The following B3GALT1 variants were observed in gnomAD, a reference collection of about 807,000 sequenced individuals.
The protein encoded by B3GALT1 is beta-1,3-galactosyltransferase 1.
B3GALT1 carries 10 observed loss-of-function variants against 23.2 expected under a neutral mutation model. The observed-to-expected ratio is 0.43, with a 90% confidence interval of 0.27 to 0.73. The LOEUF is 0.73. Among genes scored for constraint, B3GALT1 ranks in the 30% least tolerant of loss-of-function variants. The pLI, the probability that B3GALT1 is intolerant of heterozygous loss-of-function variation, is 0.21. For missense variants in B3GALT1, 299 were observed against 405.4 expected (o/e 0.74, Z 2.25); for synonymous variants, 156 against 141.5 (o/e 1.10, Z -0.73).
chr2:167,532,503 C>T (rs1401531729), intron 2 of B3GALT1, among the ~76,000 whole-genome samples: 5 of 151,606 alleles, frequency 3.3e-5, no homozygotes, highest in South Asian at 2.1e-4. Context: ...TTTCTGTATC[C>T]ACACTTTCAT....
At chr2:167,492,023 A>T (rs958060024) in intron 2 of B3GALT1, among the ~76,000 whole-genome samples, 1 of 152,142 alleles carries the variant, frequency 6.6e-6, no homozygotes, top group Non-Finnish European at 1.5e-5. Context: ...TTCAGTCTTT[A>T]TATTGGATAT....
At chr2:167,802,125 C>T (rs1160344952) in intron 3 of B3GALT1, among the ~76,000 whole-genome samples, 1 of 152,182 alleles carries the variant, frequency 6.6e-6, no homozygotes, top group African/African-American at 2.4e-5. Context: ...ATACTGTAGA[C>T]CTGTAGCCAC....
rs80212232 is a variant in B3GALT1, at chr2:167,398,092, A to G, written c.-510-92085A>G. On this transcript the variant is annotated intron_variant, in intron 1 of 4. Transcript: ENST00000392690. ...TATATGCCCCTGAATTTTAAATCCT[A>G]TTCACTGGCCTATATCTTATTATAT... 1.7e-3 allele frequency among the ~76,000 whole-genome samples: 254 copies of G among 152,244 alleles called. 1 individual carries two copies. The East Asian group carries it at 0.018, about 11-fold the overall frequency.
chr2:167,737,216 G>A (rs1203142594), intron 3 of B3GALT1, among the ~76,000 whole-genome samples: 2 of 152,164 alleles, frequency 1.3e-5, no homozygotes, highest in African/African-American at 2.4e-5. Context: ...TACTTTGCTT[G>A]CAGTTAAGTT....
At chr2:167,583,796 C>A (rs1377294213) in intron 2 of B3GALT1, among the ~76,000 whole-genome samples, 1 of 151,938 alleles carries the variant, frequency 6.6e-6, no homozygotes, top group Non-Finnish European at 1.5e-5. Context: ...GATTCTCTGC[C>A]CCATGAATAT....
chr2:167,834,186 A>C (rs1457356542), intron 4 of B3GALT1, among the ~76,000 whole-genome samples: 1 of 152,216 alleles, frequency 6.6e-6, no homozygotes, highest in Non-Finnish European at 1.5e-5. Flanking sequence ...TCATGTCTTT[A>C]TACTCAGATT....
intron 3 of B3GALT1, chr2:167,715,327 A>G: frequency 6.2e-7 from 1 of 1,613,926 alleles, no homozygotes; most frequent in South Asian, 1.1e-5. Flanking sequence ...TGGAGTCTTC[A>G]AATGTTATTT....
At chr2:167,653,298 A>G (rs574892794) in intron 3 of B3GALT1, among the ~76,000 whole-genome samples, 2 of 152,316 alleles carry the variant, frequency 1.3e-5, no homozygotes, top group East Asian at 3.9e-4. Context: ...CAATGTGGAC[A>G]TTAACCACAG....
intron 2 of B3GALT1, among the ~76,000 whole-genome samples, chr2:167,556,345 C>T (rs1683851511): frequency 6.6e-6 from 1 of 152,060 alleles, no homozygotes; most frequent in African/African-American, 2.4e-5. Context: ...AAGCACTTTA[C>T]AATACTTTAA....
At chr2:167,372,479 T>G (rs1697701977) in intron 1 of B3GALT1, among the ~76,000 whole-genome samples, 1 of 152,048 alleles carries the variant, frequency 6.6e-6, no homozygotes, top group Non-Finnish European at 1.5e-5. Flanking sequence ...CTATTCCCCC[T>G]TTTGTTGGAG....
intron 1 of B3GALT1, among the ~76,000 whole-genome samples, chr2:167,340,651 GCTC>G (rs1559069936): frequency 2.0e-5 from 3 of 152,144 alleles, no homozygotes. Context: ...TCTTTTCATG[GCTC>G]CTTTAAGATT....
chr2:167,557,298 G>C (rs1203837938), intron 2 of B3GALT1, among the ~76,000 whole-genome samples: 1 of 151,962 alleles, frequency 6.6e-6, no homozygotes, highest in African/African-American at 2.4e-5. Context: ...TTGTTGCCAA[G>C]AATGTCACCT....
chr2:167,856,808 A>G (rs1316146970), intron 4 of B3GALT1, among the ~76,000 whole-genome samples: 1 of 152,184 alleles, frequency 6.6e-6, no homozygotes, highest in Admixed American at 6.5e-5. Flanking sequence ...GCATGATAGT[A>G]ATTGGCAGTG....
intron 3 of B3GALT1, among the ~76,000 whole-genome samples, chr2:167,705,483 A>G (rs1472538479): frequency 6.6e-6 from 1 of 152,042 alleles, no homozygotes; most frequent in East Asian, 1.9e-4. Flanking sequence ...TTAATTCTTT[A>G]TTTTTTTCTA....
chr2:167,447,194 A>T (rs149894159), intron 1 of B3GALT1, among the ~76,000 whole-genome samples: 1,622 of 152,256 alleles, frequency 0.011, 26 homozygotes, highest in African/African-American at 0.037. Flanking sequence ...CAGAACAGCA[A>T]ATGTTGCTGC....
intron 2 of B3GALT1, among the ~76,000 whole-genome samples, chr2:167,539,878 G>A (rs1211662598): frequency 6.6e-6 from 1 of 151,736 alleles, no homozygotes; most frequent in Non-Finnish European, 1.5e-5. Context: ...ATTATTTTCT[G>A]TTTTCTGAAC....
At chr2:167,706,710 C>A (rs1157226259) in intron 3 of B3GALT1, among the ~76,000 whole-genome samples, 1 of 152,116 alleles carries the variant, frequency 6.6e-6, no homozygotes, top group Non-Finnish European at 1.5e-5. Context: ...CCAGTGGTCC[C>A]CCAGAAATGA....
intron 1 of B3GALT1, among the ~76,000 whole-genome samples, chr2:167,481,834 C>T (rs1699566341): frequency 6.6e-6 from 1 of 152,158 alleles, no homozygotes. Flanking sequence ...CTGGAGAGAG[C>T]ACTCTGTTAC....
intron 1 of B3GALT1, among the ~76,000 whole-genome samples, chr2:167,437,669 T>C (rs1698810434): frequency 6.6e-6 from 1 of 152,198 alleles, no homozygotes; most frequent in Non-Finnish European, 1.5e-5. Flanking sequence ...AAACAGCTTA[T>C]GGCTTTTTCT....
Sources: allele counts gnomAD v4.1 joint callset (sites outside exome capture counted in the v4.1 genomes callset), GRCh38; gene constraint gnomAD v4.1.1; transcripts MANE v1.5; gene names NCBI Gene and HGNC (gene_info 2026-07-23, HGNC 2026-07-21).